CDKAL1: variants seen among roughly 807,000 people sequenced by gnomAD.
The protein encoded by CDKAL1 is threonylcarbamoyladenosine tRNA methylthiotransferase.
In CDKAL1, 32 loss-of-function variants were observed where a neutral mutation model predicts 68.2. The ratio of observed to expected loss-of-function variants is 0.47; its 90% CI spans 0.35 to 0.63. The LOEUF (loss-of-function observed/expected upper bound fraction) is 0.63, where lower values mean the gene tolerates loss of function less well. Among genes scored for constraint, CDKAL1 ranks in the 30% least tolerant of loss-of-function variants. CDKAL1 has a pLI of 0.00. For missense variants in CDKAL1, 606 were observed against 696.7 expected (o/e 0.87, Z 1.47); for synonymous variants, 234 against 244.3 (o/e 0.96, Z 0.39).
At position 20,962,570 on chromosome 6, in the gene CDKAL1, A is replaced by C. The variant is rs528844655; in HGVS notation, c.909+6985A>C. Among the ~76,000 whole-genome samples the C allele has an allele frequency of 9.8e-5, 15 of 152,346 alleles. 1 individual carries two copies. The highest frequency in any genetic ancestry group is 8.5e-4 in the Admixed American group (13 of 15,304). ...TTAAAAAATGCCTCATAGTTTCAAA[A>C]TAATAGCAAACTCAATACATGCTGT... On this transcript the variant is annotated intron_variant, in intron 10 of 15. Coordinates refer to ENST00000274695, the MANE Select transcript of CDKAL1 (RefSeq NM_017774.3).
intron 13 of CDKAL1, among the ~76,000 whole-genome samples, chr6:21,108,865 T>C (rs1407922335): frequency 6.6e-6 from 1 of 152,200 alleles, no homozygotes; most frequent in African/African-American, 2.4e-5. Flanking sequence ...GTTATTTTTC[T>C]AAATGAAAAT....
chr6:21,176,251 T>G (rs1777567287), intron 13 of CDKAL1, among the ~76,000 whole-genome samples: 1 of 152,266 alleles, frequency 6.6e-6, no homozygotes, highest in Non-Finnish European at 1.5e-5. Flanking sequence ...TTGATTCTTA[T>G]TTTTGTATGC....
At chr6:20,816,933 A>G (rs1777071175) in intron 8 of CDKAL1, among the ~76,000 whole-genome samples, 1 of 152,146 alleles carries the variant, frequency 6.6e-6, no homozygotes, top group South Asian at 2.1e-4. Flanking sequence ...CACTTAGATT[A>G]GTTTCAGATT....
At chr6:20,735,785 C>T (rs1427487103) in intron 5 of CDKAL1, among the ~76,000 whole-genome samples, 1 of 152,116 alleles carries the variant, frequency 6.6e-6, no homozygotes, top group Non-Finnish European at 1.5e-5. Flanking sequence ...ATGGCTATTA[C>T]CCTGATTAAG....
intron 11 of CDKAL1, among the ~76,000 whole-genome samples, chr6:21,025,926 T>C (rs1474433712): frequency 1.3e-5 from 2 of 152,182 alleles, no homozygotes; most frequent in Non-Finnish European, 2.9e-5. Context: ...GAACACCTCT[T>C]AATTTGTATT....
chr6:20,713,588 A>G (rs1771946210), intron 5 of CDKAL1, among the ~76,000 whole-genome samples: 1 of 152,206 alleles, frequency 6.6e-6, no homozygotes, highest in African/African-American at 2.4e-5. Flanking sequence ...ACCCAGAAAA[A>G]GGATATGGTA....
chr6:20,619,482 T>A (rs1048703101), intron 4 of CDKAL1, among the ~76,000 whole-genome samples: 1 of 152,228 alleles, frequency 6.6e-6, no homozygotes, highest in South Asian at 2.1e-4. Context: ...TTGTATGTGA[T>A]AAATACAATT....
chr6:20,642,028 G>A (rs1025900482), intron 4 of CDKAL1, among the ~76,000 whole-genome samples: 15 of 152,014 alleles, frequency 9.9e-5, no homozygotes, highest in Admixed American at 2.6e-4. Context: ...GGATAGTATC[G>A]CACTTAATAT....
intron 9 of CDKAL1, among the ~76,000 whole-genome samples, chr6:20,848,453 G>T (rs1758809313): frequency 1.3e-5 from 2 of 152,120 alleles, no homozygotes. Context: ...TGCCCTCTGA[G>T]TAACCAATTT....
chr6:21,154,918 A>G (rs6456398), intron 13 of CDKAL1, among the ~76,000 whole-genome samples: 54,066 of 151,634 alleles, frequency 0.36, 10,206 homozygotes, highest in African/African-American at 0.48. Context: ...ACTTGAACCC[A>G]GGAGGCGGAG....
At chr6:21,139,063 T>A (rs1181173432) in intron 13 of CDKAL1, among the ~76,000 whole-genome samples, 1 of 152,242 alleles carries the variant, frequency 6.6e-6, no homozygotes, top group East Asian at 1.9e-4. Flanking sequence ...CCCTGGCTAT[T>A]TTCATTTTAG....
intron 6 of CDKAL1, among the ~76,000 whole-genome samples, chr6:20,754,622 AT>A (rs1199074962): frequency 6.6e-6 from 1 of 151,976 alleles, no homozygotes; most frequent in African/African-American, 2.4e-5. Context: ...TGTTCAGATT[AT>A]TTTCCCATTT....
At chr6:20,610,730 T>C (rs540331661) in intron 4 of CDKAL1, among the ~76,000 whole-genome samples, 1 of 151,764 alleles carries the variant, frequency 6.6e-6, no homozygotes, top group Non-Finnish European at 1.5e-5. Flanking sequence ...AGGGAGACAA[T>C]GGCAACAAAA....
intron 13 of CDKAL1, among the ~76,000 whole-genome samples, chr6:21,172,158 G>T (rs1036514257): frequency 2.6e-5 from 4 of 152,212 alleles, no homozygotes; most frequent in African/African-American, 4.8e-5. Context: ...TTATATGGGG[G>T]TTATTTCCTT....
At chr6:20,548,564 C>CT (rs762740830) in intron 3 of CDKAL1, 29 bp from the exon 4 acceptor site, 106,914 of 674,334 alleles carry the variant, frequency 0.16, 61 homozygotes, top group South Asian at 0.2. Context: ...ATGAAACTTA[C>CT]TTTTTTTTTT....
chr6:21,062,200 G>A (rs1338429623), intron 11 of CDKAL1, among the ~76,000 whole-genome samples: 6 of 152,204 alleles, frequency 3.9e-5, no homozygotes, highest in African/African-American at 1.4e-4. Flanking sequence ...ATTCATAGCT[G>A]AGGACAATAA....
chr6:21,108,246 G>A (rs1231042646), intron 12 of CDKAL1, among the ~76,000 whole-genome samples, 155 bp from the exon 13 acceptor site: 2 of 146,168 alleles, frequency 1.4e-5, no homozygotes, highest in Non-Finnish European at 3.0e-5. Flanking sequence ...TTGCACCCCT[G>A]TGTCTTCTCA....
At chr6:20,776,890 A>T (rs536222492) in intron 7 of CDKAL1, among the ~76,000 whole-genome samples, 2 of 152,300 alleles carry the variant, frequency 1.3e-5, no homozygotes, top group East Asian at 1.9e-4. Flanking sequence ...ACTAGGGCAA[A>T]ACAGGCCATG....
chr6:20,576,558 T>C (rs1465311014), intron 4 of CDKAL1, among the ~76,000 whole-genome samples: 2 of 152,218 alleles, frequency 1.3e-5, no homozygotes, highest in African/African-American at 4.8e-5. Flanking sequence ...GTCTTCTGCA[T>C]TTTCAGCATT....
Sources: gnomAD v4.1 joint callset for allele counts (sites outside exome capture counted in the v4.1 genomes callset) on GRCh38, gnomAD v4.1.1 for gene constraint, MANE v1.5 for transcripts, NCBI Gene and HGNC (gene_info 2026-07-23, HGNC 2026-07-21) for gene names.